Variants in SNX29 observed in about 807,000 individuals in gnomAD.
SNX29 encodes sorting nexin 29.
SNX29 carries 78 observed loss-of-function variants against 102.1 expected under a neutral mutation model. The observed-to-expected ratio is 0.76, with a 90% CI of 0.64 to 0.92. SNX29 has a LOEUF of 0.92. SNX29 is among the 40% of genes least tolerant of loss of function. The pLI is 0.00. For missense variants in SNX29, 1,280 were observed against 1,061.7 expected (o/e 1.21, Z -2.86); for synonymous variants, 580 against 414.5 (o/e 1.40, Z -4.85).
chr16:12,434,437 G>A (rs1016940336), intron 18 of SNX29, among the ~76,000 whole-genome samples: 4 of 152,168 alleles, frequency 2.6e-5, no homozygotes, highest in African/African-American at 7.2e-5. Flanking sequence ...GGCAGCAGAA[G>A]GGGGAGCAGG....
chr16:12,534,701 C>T (rs574034831), intron 20 of SNX29, among the ~76,000 whole-genome samples: 5 of 152,220 alleles, frequency 3.3e-5, no homozygotes, highest in Non-Finnish European at 5.9e-5. Flanking sequence ...CTTTTCTTGG[C>T]GTTGCCACTC....
chr16:12,540,984 A>C (rs911019847), intron 20 of SNX29, among the ~76,000 whole-genome samples: 7 of 152,180 alleles, frequency 4.6e-5, no homozygotes, highest in Non-Finnish European at 8.8e-5. Context: ...CTACAGGGGA[A>C]AAATGGTGAG....
intron 16 of SNX29, among the ~76,000 whole-genome samples, chr16:12,395,221 G>C (rs2083675890): frequency 6.6e-6 from 1 of 152,188 alleles, no homozygotes; most frequent in African/African-American, 2.4e-5. Context: ...GCCAGTCAAA[G>C]TGGCAGGGTG....
chr16:12,463,568 A>G (rs955406460), intron 18 of SNX29, among the ~76,000 whole-genome samples: 15 of 152,262 alleles, frequency 9.9e-5, no homozygotes, highest in African/African-American at 7.2e-5. Flanking sequence ...CTGTGATTCA[A>G]TTATCTCCCA....
At chr16:12,488,114 A>G (rs973545784) in intron 19 of SNX29, among the ~76,000 whole-genome samples, 1 of 152,220 alleles carries the variant, frequency 6.6e-6, no homozygotes, top group Non-Finnish European at 1.5e-5. Context: ...GGACTTTTCT[A>G]TAATATCAAA....
At chr16:12,391,494 T>C (rs1402744721) in intron 16 of SNX29, among the ~76,000 whole-genome samples, 5 of 152,346 alleles carry the variant, frequency 3.3e-5, no homozygotes. Flanking sequence ...AGGATTTTGC[T>C]TGAAATTTTA....
In SNX29 at chr16:12,524,804, A is replaced by G. The variant is rs1462649595; in HGVS notation, c.2281A>G (p.Lys761Glu). The G allele has an allele frequency of 2.5e-6, 4 of 1,613,564 alleles. No individual in the cohort carries two copies. The highest frequency in any genetic ancestry group is 1.1e-5 in the South Asian group (1 of 91,058). ...QMVPEFAASP[K>E]KETLIQLMPF... ...GGTCCCCGAGTTCGCTGCCAGCCCC[A>G]AGAAGGAGACCCTCATCCAGCTGAT... Residue 761 changes from lysine to glutamate, a missense_variant, in exon 20 of 21, where the codon AAG becomes GAG. Transcript: ENST00000566228.
intron 15 of SNX29, among the ~76,000 whole-genome samples, chr16:12,348,468 A>G (rs922418208): frequency 2.6e-5 from 4 of 152,210 alleles, no homozygotes; most frequent in African/African-American, 9.6e-5. Context: ...CAGAGCCCAC[A>G]TGGCTTTTCC....
chr16:12,139,958 G>A (rs1049925061), intron 13 of SNX29, among the ~76,000 whole-genome samples: 2 of 126,402 alleles, frequency 1.6e-5, no homozygotes, highest in African/African-American at 3.1e-5. Flanking sequence ...TCCAGCCTGG[G>A]AGACAGAGAG....
chr16:12,130,125 C>T (rs901465702), intron 13 of SNX29, among the ~76,000 whole-genome samples: 1 of 145,624 alleles, frequency 6.9e-6, no homozygotes, highest in African/African-American at 2.6e-5. Context: ...CAAACAACAA[C>T]CAACCAAACA....
intron 20 of SNX29, among the ~76,000 whole-genome samples, chr16:12,531,643 A>C (rs921131312): frequency 1.1e-4 from 16 of 152,134 alleles, no homozygotes; most frequent in African/African-American, 3.9e-4. Flanking sequence ...ATGGAAGGGG[A>C]GCAGCAGAAG....
At chr16:12,546,590 A>G (rs925266926) in intron 20 of SNX29, 6 of 152,240 alleles carry the variant, frequency 3.9e-5, no homozygotes, top group African/African-American at 1.4e-4. Flanking sequence ...TCCCCACCCA[A>G]GGATAATACA....
At chr16:12,391,904 G>T (rs1014624349) in intron 16 of SNX29, among the ~76,000 whole-genome samples, 4 of 152,082 alleles carry the variant, frequency 2.6e-5, no homozygotes, top group African/African-American at 9.7e-5. Context: ...TTTTTTGAAA[G>T]GTTAACAAGT....
At chr16:11,998,006 T>C (rs1567508606) in intron 1 of SNX29, among the ~76,000 whole-genome samples, 1 of 152,204 alleles carries the variant, frequency 6.6e-6, no homozygotes, top group Admixed American at 6.5e-5. Flanking sequence ...GCATGCATAG[T>C]GCTTAGCTTG....
chr16:12,189,679 A>G (rs2076595133), intron 13 of SNX29, among the ~76,000 whole-genome samples: 1 of 152,092 alleles, frequency 6.6e-6, no homozygotes, highest in African/African-American at 2.4e-5. Context: ...GAAATACCCT[A>G]TTATGCATTA....
In SNX29 at chr16:12,126,903, C is replaced by A. The variant is rs751847662; in HGVS notation, c.1466+207C>A. ...TGATATGTAAGAAAGAAGTGAGAAC[C>A]TTATGATAATGGCACCTTCATAGAA... On this transcript the variant is annotated intron_variant, in intron 12 of 20. Coordinates refer to ENST00000566228, the MANE Select transcript of SNX29 (RefSeq NM_032167.5). Among the ~76,000 whole-genome samples, 3 of 152,156 alleles carry A rather than the reference C, an allele frequency of 2.0e-5. No individual in the cohort carries two copies. The South Asian group carries it at 6.2e-4, about 32-fold the overall frequency.
intron 11 of SNX29, among the ~76,000 whole-genome samples, chr16:12,121,010 G>C (rs1291539894): frequency 1.3e-5 from 2 of 152,212 alleles, no homozygotes; most frequent in East Asian, 1.9e-4. Context: ...CCCATGCTCA[G>C]TTCCTGGAGC....
intron 19 of SNX29, among the ~76,000 whole-genome samples, chr16:12,497,105 T>C (rs982219134): frequency 6.6e-6 from 1 of 152,258 alleles, no homozygotes; most frequent in Non-Finnish European, 1.5e-5. Flanking sequence ...CTCCCTGTTA[T>C]CTCCAGGACC....
intron 14 of SNX29, among the ~76,000 whole-genome samples, chr16:12,244,164 C>T (rs916517382): frequency 6.6e-6 from 1 of 152,164 alleles, no homozygotes; most frequent in Non-Finnish European, 1.5e-5. Flanking sequence ...TGCTCACTCA[C>T]CCGCCACTCA....
Sources: allele counts gnomAD v4.1 joint callset (sites outside exome capture counted in the v4.1 genomes callset), GRCh38; gene constraint gnomAD v4.1.1; transcripts MANE v1.5; gene names NCBI Gene and HGNC (gene_info 2026-07-23, HGNC 2026-07-21).